The following ATG5 variants were observed in gnomAD, a reference collection of about 807,000 sequenced individuals.
ATG5 encodes autophagy protein 5.
A neutral mutation model predicts 36.5 loss-of-function variants in ATG5; 14 were observed. The observed-to-expected ratio is 0.38, with a 90% CI of 0.25 to 0.60. The LOEUF (loss-of-function observed/expected upper bound fraction) is 0.60. ATG5 is among the 20% of genes least tolerant of loss of function. The pLI is 0.60. For missense variants in ATG5, 195 were observed against 326.7 expected (o/e 0.60, Z 3.11); for synonymous variants, 95 against 101.5 (o/e 0.94, Z 0.38).
intron 7 of ATG5, among the ~76,000 whole-genome samples, chr6:106,190,611 T>A (rs1219950160): frequency 6.6e-6 from 1 of 152,174 alleles, no homozygotes; most frequent in Admixed American, 6.5e-5. Flanking sequence ...TTATTTTGTA[T>A]AATGTCCACA....
chr6:106,276,410 G>A (rs973829836), intron 5 of ATG5, among the ~76,000 whole-genome samples: 3 of 149,076 alleles, frequency 2.0e-5, no homozygotes, highest in African/African-American at 7.4e-5. Flanking sequence ...CTTGCAGTGA[G>A]CCGAGATCAT....
intron 2 of ATG5, among the ~76,000 whole-genome samples, chr6:106,313,919 T>C (rs1770747283): frequency 1.3e-5 from 2 of 152,240 alleles, no homozygotes; most frequent in African/African-American, 4.8e-5. Context: ...TTGTGCCATA[T>C]GGTTTTAAAT....
At chr6:106,264,327 A>G (rs1779146275) in intron 5 of ATG5, among the ~76,000 whole-genome samples, 1 of 152,216 alleles carries the variant, frequency 6.6e-6, no homozygotes, top group Non-Finnish European at 1.5e-5. Context: ...TGAAGCCTCC[A>G]AGAAATATGG....
intron 3 of ATG5, among the ~76,000 whole-genome samples, chr6:106,297,912 A>C (rs1031893788): frequency 9.2e-5 from 14 of 151,916 alleles, no homozygotes; most frequent in Non-Finnish European, 1.9e-4. Flanking sequence ...CTCTACAAAA[A>C]AAATTAGCCA....
chr6:106,197,536 G>T (rs977366348), intron 7 of ATG5, among the ~76,000 whole-genome samples: 1 of 150,664 alleles, frequency 6.6e-6, no homozygotes, highest in Non-Finnish European at 1.5e-5. Flanking sequence ...GGTGGGGGGG[G>T]CGGGGGTGGA....
intron 4 of ATG5, among the ~76,000 whole-genome samples, chr6:106,291,601 T>C (rs1198992477): frequency 1.3e-5 from 2 of 152,202 alleles, no homozygotes; most frequent in Non-Finnish European, 2.9e-5. Context: ...TATATTTTAA[T>C]CTAGATTTCA....
chr6:106,268,701 A>G (rs1254009312), intron 5 of ATG5, among the ~76,000 whole-genome samples: 1 of 152,222 alleles, frequency 6.6e-6, no homozygotes, highest in African/African-American at 2.4e-5. Flanking sequence ...CAGCCATAAA[A>G]AAGAATGATT....
chr6:106,273,634 A>G (rs1260949276), intron 5 of ATG5, among the ~76,000 whole-genome samples: 1 of 152,230 alleles, frequency 6.6e-6, no homozygotes, highest in Non-Finnish European at 1.5e-5. Flanking sequence ...TCCAGCTTAG[A>G]GAGAAAAGTG....
At chr6:106,304,351 A>G (rs1770347623) in intron 3 of ATG5, 1 of 152,218 alleles carries the variant, frequency 6.6e-6, no homozygotes, top group South Asian at 2.1e-4. Context: ...CTTTTACAAT[A>G]TATGTGGCTT....
At chr6:106,237,001 A>G (rs1174035713) in intron 6 of ATG5, among the ~76,000 whole-genome samples, 2 of 152,222 alleles carry the variant, frequency 1.3e-5, no homozygotes, top group Admixed American at 1.3e-4. Flanking sequence ...CAAATCTAAG[A>G]AAACTAATTC....
intron 7 of ATG5, among the ~76,000 whole-genome samples, chr6:106,195,134 T>C (rs756236799): frequency 7.9e-5 from 12 of 152,366 alleles, no homozygotes; most frequent in Non-Finnish European, 1.6e-4. Flanking sequence ...CATCATTAGT[T>C]ACTCCACAAG....
At chr6:106,210,056 CAAT>C (rs1466073428) in intron 6 of ATG5, among the ~76,000 whole-genome samples, 4 of 152,310 alleles carry the variant, frequency 2.6e-5, no homozygotes, top group Middle Eastern at 3.4e-3. Context: ...TAGTCTACAA[CAAT>C]GACTTTTAAC....
chr6:106,305,335 G>A (rs1286469259), intron 3 of ATG5, among the ~76,000 whole-genome samples: 2 of 152,018 alleles, frequency 1.3e-5, no homozygotes, highest in South Asian at 2.1e-4. Context: ...AAAAAACAAA[G>A]CCCCCGGTAC....
intron 6 of ATG5, among the ~76,000 whole-genome samples, chr6:106,233,532 G>A (rs528128203): frequency 1.3e-5 from 2 of 152,164 alleles, no homozygotes; most frequent in Non-Finnish European, 2.9e-5. Context: ...TACACAGGTC[G>A]ATGAGCTTGC....
intron 3 of ATG5, among the ~76,000 whole-genome samples, chr6:106,302,163 GA>G (rs1562264835): frequency 6.6e-6 from 1 of 152,062 alleles, no homozygotes; most frequent in African/African-American, 2.4e-5. Flanking sequence ...TGAGCTACAG[GA>G]GGGAATATAT....
intron 5 of ATG5, among the ~76,000 whole-genome samples, chr6:106,248,933 C>T (rs1361057986): frequency 4.0e-5 from 6 of 151,862 alleles, no homozygotes; most frequent in Non-Finnish European, 8.8e-5. Context: ...AGCGAAACTC[C>T]GTCTCAAAAA....
At chr6:106,227,327 G>C (rs1777487464) in intron 6 of ATG5, among the ~76,000 whole-genome samples, 1 of 152,152 alleles carries the variant, frequency 6.6e-6, no homozygotes, top group African/African-American at 2.4e-5. Context: ...CTGGAATGCT[G>C]GTGGACACCT....
intron 6 of ATG5, among the ~76,000 whole-genome samples, chr6:106,223,336 A>AT (rs1367335118): frequency 6.6e-5 from 10 of 152,354 alleles, no homozygotes; most frequent in Admixed American, 5.2e-4. Context: ...ATTTTAAACT[A>AT]TTCCAATAAA....
At position 106,293,123 on chromosome 6, in the gene ATG5, ATATTTT is replaced by A; in HGVS notation, c.237-23_237-18del. 1.3e-6 allele frequency: 2 copies of A among 1,598,876 alleles called. No homozygotes were observed. Among genetic ancestry groups the A allele is most frequent in the Non-Finnish European group, 1.7e-6 (2 of 1,168,408 alleles). Reference sequence around the variant, plus strand: ...GGATAATGCCTAAAAATGAAACAGTATATTTTGAGAAAATAAATATTTAAAGTTATA... The same window carrying A: ...GGATAATGCCTAAAAATGAAACAGTAGAGAAAATAAATATTTAAAGTTATA... On this transcript the variant is annotated intron_variant, in intron 3 of 7. Coordinates refer to ENST00000369076, the MANE Select transcript of ATG5 (RefSeq NM_004849.4).
Sources: gnomAD v4.1 joint callset for allele counts (sites outside exome capture counted in the v4.1 genomes callset) on GRCh38, gnomAD v4.1.1 for gene constraint, MANE v1.5 for transcripts, NCBI Gene and HGNC (gene_info 2026-07-23, HGNC 2026-07-21) for gene names.